CACNA1D: variants seen among roughly 807,000 people sequenced by gnomAD.
The protein encoded by CACNA1D is voltage-dependent L-type calcium channel subunit alpha-1D.
A neutral mutation model predicts 257.1 loss-of-function variants in CACNA1D; 55 were observed. That is an observed-to-expected ratio of 0.21 (90% CI 0.17 to 0.27). The LOEUF (loss-of-function observed/expected upper bound fraction) is 0.27, where lower values mean the gene tolerates loss of function less well. Ranked by LOEUF, CACNA1D falls within the 10% of genes least tolerant of loss-of-function variation. The pLI, the probability that CACNA1D is intolerant of heterozygous loss-of-function variation, is 1.00. For missense variants in CACNA1D, 1,876 were observed against 2,784.0 expected, an observed-to-expected ratio of 0.67 and a Z score of 7.34; for synonymous variants, 980 against 1,014.9, an observed-to-expected ratio of 0.97 and a Z score of 0.65.
Position 53,776,944 on chromosome 3 carries a change from G to T in CACNA1D, c.4575G>T (p.Arg1525Ser). The change falls in exon 37 of 48, where the codon AGG (arginine) becomes AGT (serine). Residue 1525 changes from arginine (R) to serine (S), a missense_variant. By Grantham distance (110) the Arg-to-Ser change is moderately radical (BLOSUM62 -1). Around this residue, in one of 10 missense-constraint regions of CACNA1D, gnomAD observed 83 missense variants for 210.7 expected, o/e 0.39. Coordinates refer to ENST00000350061, the MANE Select transcript of CACNA1D (RefSeq NM_001128840.3). ...PLGFGKLCPHRVACKRLVAMN... is the reference protein window; with the variant it reads ...PLGFGKLCPHSVACKRLVAMN... ...GGTTTGGGAAGTTATGTCCACACAG[G>T]GTAGCGTGCAAGGTGAGTGTCCTGT... The T allele has an allele frequency of 1.2e-6, 2 of 1,613,528 alleles. No individual in the cohort carries two copies. The highest frequency in any genetic ancestry group is 1.7e-6 in the Non-Finnish European group (2 of 1,179,436).
intron 3 of CACNA1D, among the ~76,000 whole-genome samples, chr3:53,519,454 G>C (rs2091468650): frequency 6.6e-6 from 1 of 152,172 alleles, no homozygotes. Flanking sequence ...GTTGTAGAAA[G>C]AGGCCTCTTG....
rs191512602 is a variant in CACNA1D at position 53,735,854 on chromosome 3, C to T, written c.2751+351C>T. ...CTCACCCCTGTTTTGAGATTCATGC[C>T]TCGTGGAAGCACACAGCAGGGAGGA... On this transcript the variant is annotated intron_variant, in intron 20 of 47. Coordinates refer to ENST00000350061, the MANE Select transcript of CACNA1D (RefSeq NM_001128840.3). 9.2e-5 allele frequency among the ~76,000 whole-genome samples: 14 copies of T among 152,314 alleles called. No homozygotes were observed. The East Asian group carries it at 2.7e-3, about 29-fold the overall frequency.
chr3:53,604,068 T>C (rs72970751), intron 3 of CACNA1D, among the ~76,000 whole-genome samples: 3,009 of 152,288 alleles, frequency 0.02, 94 homozygotes, highest in African/African-American at 0.069. Context: ...CTGGAGGAAA[T>C]TCTAGACATC....
At chr3:53,657,436 A>C (rs139144205) in intron 4 of CACNA1D, among the ~76,000 whole-genome samples, 1 of 152,318 alleles carries the variant, frequency 6.6e-6, no homozygotes, top group East Asian at 1.9e-4. Flanking sequence ...AATCATTTAA[A>C]ATGTTGAAAC....
chr3:53,531,037 G>A (rs1246674365), intron 3 of CACNA1D, among the ~76,000 whole-genome samples: 2 of 52,812 alleles, frequency 3.8e-5, no homozygotes, highest in African/African-American at 7.5e-5. Context: ...TTTTTTTTTT[G>A]TAGAGGTGAG....
chr3:53,495,186 T>TGAA lies in CACNA1D; in HGVS notation c.21_23dup (p.Lys9dup). 6.2e-7 allele frequency: 1 copy of TGAA among 1,612,136 alleles called. No homozygotes were observed. The highest frequency in any genetic ancestry group is 8.5e-7 in the Non-Finnish European group (1 of 1,179,180). On this transcript the variant is annotated inframe_insertion, in exon 1 of 48. Coordinates refer to ENST00000350061, the MANE Select transcript of CACNA1D (RefSeq NM_001128840.3). The surrounding 1 kb of genome is among the most constrained non-coding windows in gnomAD (Gnocchi z 5.1). ...TCGTGGATGATGATGATGATGATGATGAAAAAAATGCAGCATCAACGGCAG... is the reference window on the plus strand; with the variant it reads ...TCGTGGATGATGATGATGATGATGATGAAGAAAAAAATGCAGCATCAACGGCAG...
intron 3 of CACNA1D, among the ~76,000 whole-genome samples, chr3:53,598,672 A>C (rs2093402787): frequency 6.6e-6 from 1 of 152,118 alleles, no homozygotes; most frequent in African/African-American, 2.4e-5. Context: ...GTTTCTGCTT[A>C]CTGCTACTTC....
chr3:53,569,072 C>T (rs932670144), intron 3 of CACNA1D, among the ~76,000 whole-genome samples: 5 of 152,222 alleles, frequency 3.3e-5, no homozygotes, highest in Non-Finnish European at 7.3e-5. Flanking sequence ...CCCCCCACCT[C>T]ACTGTTGCTT....
Position 53,618,425 on chromosome 3 carries a change from T to A in CACNA1D, c.484-32354T>A, listed in dbSNP as rs1364011039. On this transcript the variant is annotated intron_variant, in intron 3 of 47. Coordinates refer to ENST00000350061, the MANE Select transcript of CACNA1D (RefSeq NM_001128840.3). Reference sequence around the variant, plus strand: ...CACAGTTGCTGCTGTTGCTGCTGCCTGGTCAGAGTTGAGGGCTCTGACAAC... The same window carrying A: ...CACAGTTGCTGCTGTTGCTGCTGCCAGGTCAGAGTTGAGGGCTCTGACAAC... Among the ~76,000 whole-genome samples the A allele has an allele frequency of 2.6e-5, 4 of 152,186 alleles. No homozygotes were observed. In the East Asian group the frequency reaches 7.7e-4, roughly 29 times the overall value.
intron 14 of CACNA1D, among the ~76,000 whole-genome samples, chr3:53,726,452 A>AT (rs199947862): frequency 3.6e-3 from 119 of 33,124 alleles, no homozygotes; most frequent in East Asian, 0.17. Context: ...AGCCTGGCCA[A>AT]CTGCTGTAAC....
chr3:53,499,219 T>C (rs775438012), intron 2 of CACNA1D, among the ~76,000 whole-genome samples: 2 of 152,160 alleles, frequency 1.3e-5, no homozygotes, highest in Non-Finnish European at 2.9e-5. Flanking sequence ...GACACATGTG[T>C]ACAGGAATTA....
intron 3 of CACNA1D, among the ~76,000 whole-genome samples, chr3:53,623,100 C>T (rs1043669790): frequency 4.6e-5 from 7 of 152,176 alleles, no homozygotes; most frequent in African/African-American, 1.7e-4. Flanking sequence ...ACCGTGTTAA[C>T]CAGGATGGTC....
intron 15 of CACNA1D, among the ~76,000 whole-genome samples, chr3:53,727,717 T>C (rs2094949599): frequency 6.6e-6 from 1 of 152,156 alleles, no homozygotes; most frequent in African/African-American, 2.4e-5. Flanking sequence ...CTTTAATGAA[T>C]GTTTGATGCA....
chr3:53,682,153 A>T (rs747066004), intron 8 of CACNA1D, among the ~76,000 whole-genome samples: 1 of 152,116 alleles, frequency 6.6e-6, no homozygotes, highest in African/African-American at 2.4e-5. Context: ...CTGTATTCTC[A>T]TATCCTCAAC....
At chr3:53,621,300 G>T (rs774714463) in intron 3 of CACNA1D, among the ~76,000 whole-genome samples, 4 of 152,092 alleles carry the variant, frequency 2.6e-5, no homozygotes, top group Non-Finnish European at 4.4e-5. Context: ...TTTTTCTGAG[G>T]CACTTTTCAA....
intron 3 of CACNA1D, among the ~76,000 whole-genome samples, chr3:53,613,852 A>G (rs1290296755): frequency 6.6e-6 from 1 of 152,092 alleles, no homozygotes; most frequent in African/African-American, 2.4e-5. Context: ...CACTTGCTCT[A>G]TCAATCTGTA....
At chr3:53,676,278 G>A (rs757892801) in intron 8 of CACNA1D, among the ~76,000 whole-genome samples, 9 of 150,478 alleles carry the variant, frequency 6.0e-5, no homozygotes, top group East Asian at 3.9e-4. Context: ...CCGCCCCCTC[G>A]CCCTCCCAAC....
Position 53,800,981 on chromosome 3 carries a change from GAA to G in CACNA1D, c.5041-73_5041-72del. The G allele has an allele frequency of 3.4e-6, 5 of 1,486,048 alleles. No individual in the cohort carries two copies. Among genetic ancestry groups the G allele is most frequent in the Non-Finnish European group, 4.7e-6 (5 of 1,066,056 alleles). 92.1% of individuals were successfully genotyped at this position (1,486,048 alleles called of 1,614,324 possible). ...TTGCCTAGAATTTGTTTTTCATGTA[GAA>G]AAAGTTACCTAACATAGCTAGTCTG... On this transcript the variant is annotated intron_variant, in intron 41 of 47. Coordinates refer to ENST00000350061, the MANE Select transcript of CACNA1D (RefSeq NM_001128840.3). This position sits in a 1 kb window ranked among gnomAD's most constrained non-coding sequence, Gnocchi z 4.3.
intron 3 of CACNA1D, among the ~76,000 whole-genome samples, chr3:53,518,214 C>T (rs1188630255): frequency 6.6e-6 from 1 of 152,202 alleles, no homozygotes; most frequent in Non-Finnish European, 1.5e-5. Context: ...GTGGAAGCAG[C>T]CCTGCCTTCT....
Sources: gnomAD v4.1 joint callset for allele counts (sites outside exome capture counted in the v4.1 genomes callset) on GRCh38, gnomAD v4.1.1 for gene constraint, gnomAD v4.1.1 regional missense constraint, Gnocchi (gnomAD v3.1) non-coding constraint, MANE v1.5 for transcripts, NCBI Gene and HGNC (gene_info 2026-07-23, HGNC 2026-07-21) for gene names.